The following ACACB variants were observed in gnomAD, a reference collection of about 807,000 sequenced individuals.
ACACB encodes acetyl-CoA carboxylase 2.
In ACACB, 209 loss-of-function variants were observed where a neutral mutation model predicts 278.8. The ratio of observed to expected loss-of-function variants is 0.75; its 90% CI spans 0.67 to 0.84. The LOEUF is 0.84. Ranked by LOEUF, ACACB falls within the 40% of genes least tolerant of loss-of-function variation. The probability of loss-of-function intolerance (pLI) is 0.00; values close to 1 mark genes in which losing one functional copy is unlikely to be tolerated. For missense variants in ACACB, 2,850 were observed against 3,269.0 expected (o/e 0.87, Z 3.13); for synonymous variants, 1,174 against 1,285.6 (o/e 0.91, Z 1.86).
chr12:109,163,848 C>T (rs1198927008), intron 2 of ACACB, among the ~76,000 whole-genome samples: 1 of 152,166 alleles, frequency 6.6e-6, no homozygotes. Context: ...CGGGGTTTCA[C>T]CATGTTGGCC....
intron 1 of ACACB, among the ~76,000 whole-genome samples, chr12:109,119,563 C>G (rs1377070199): frequency 6.7e-6 from 1 of 148,738 alleles, no homozygotes; most frequent in South Asian, 2.1e-4. Context: ...GCACTCCAGC[C>G]TGGGCAACAG....
Position 109,226,489 on chromosome 12 carries a change from C to T in ACACB, c.3883-882C>T, listed in dbSNP as rs528808499. On this transcript the variant is annotated intron_variant, in intron 27 of 52. Transcript: ENST00000338432. ...CCAAGGCGGGCGGATCACCTGAGGT[C>T]GGGAGTTTGAGACCAGACTGACCAA... Among the ~76,000 whole-genome samples, 6 of 152,002 alleles carry T rather than the reference C, an allele frequency of 3.9e-5. No homozygotes were observed. The South Asian group carries it at 8.3e-4, about 21-fold the overall frequency.
In ACACB at chr12:109,265,424, G is replaced by C; in HGVS notation, c.7149G>C (p.Gln2383His). The C allele has an allele frequency of 6.2e-7, 1 of 1,613,758 alleles. No individual in the cohort carries two copies. Among genetic ancestry groups the C allele is most frequent in the Non-Finnish European group, 8.5e-7 (1 of 1,179,912 alleles). Reference protein sequence around the residue: ...YLWDNNQVVVQWLEQHWQAGD... With the variant: ...YLWDNNQVVVHWLEQHWQAGD... ...GGGACAACAACCAGGTGGTTGTGCA[G>C]TGGCTGGAACAGCACTGGCAGGCAG... Residue 2383 changes from glutamine to histidine, a missense_variant, in exon 52 of 53, where the codon CAG becomes CAC. Physicochemically the swap from Gln to His is conservative, Grantham distance 24 (BLOSUM62 0). This residue lies in a region of ACACB where 579 missense variants were observed against 684.6 expected (regional missense o/e 0.85). Coordinates refer to ENST00000338432, the MANE Select transcript of ACACB (RefSeq NM_001093.4).
At chr12:109,214,798 C>T (rs1218418890) in intron 22 of ACACB, among the ~76,000 whole-genome samples, 7 of 152,130 alleles carry the variant, frequency 4.6e-5, no homozygotes, top group Admixed American at 2.6e-4. Flanking sequence ...CAGGTTAAAA[C>T]TTTGTTTTAA....
chr12:109,224,263 TA>T (rs2046256120), intron 27 of ACACB, among the ~76,000 whole-genome samples: 1 of 152,010 alleles, frequency 6.6e-6, no homozygotes, highest in African/African-American at 2.4e-5. Flanking sequence ...GCACCTCATC[TA>T]AACTTTCTGA....
chr12:109,187,581 C>G (rs2044707815), intron 12 of ACACB, among the ~76,000 whole-genome samples: 2 of 151,556 alleles, frequency 1.3e-5, no homozygotes, highest in African/African-American at 4.9e-5. Context: ...TGCCTCAGCC[C>G]CACAAGTAGC....
chr12:109,189,884 G>T (rs2044804287), intron 13 of ACACB, among the ~76,000 whole-genome samples: 1 of 152,170 alleles, frequency 6.6e-6, no homozygotes. Flanking sequence ...GCCAAGGCGG[G>T]CAGATCACTT....
At chr12:109,196,953 G>C in intron 16 of ACACB, 55 bp from the exon 17 acceptor site, 2 of 1,486,264 alleles carry the variant, frequency 1.3e-6, no homozygotes, top group Non-Finnish European at 1.8e-6. Context: ...GGGCCCAGCA[G>C]TGCTCTGGGA....
At chr12:109,209,902 C>T (rs1593570882) in intron 21 of ACACB, among the ~76,000 whole-genome samples, 1 of 94,452 alleles carries the variant, frequency 1.1e-5, no homozygotes, top group South Asian at 3.1e-4. Flanking sequence ...TATATACACA[C>T]ATACACACAC....
chr12:109,256,316 C>T, intron 45 of ACACB, 80 bp downstream of exon 45: 32 of 1,098,000 alleles, frequency 2.9e-5, no homozygotes, highest in Non-Finnish European at 4.2e-5. Context: ...CCAGGGACCT[C>T]CAGGGGCAAT....
At chr12:109,220,677 G>A (rs932233043) in intron 24 of ACACB, among the ~76,000 whole-genome samples, 1 of 151,866 alleles carries the variant, frequency 6.6e-6, no homozygotes, top group Non-Finnish European at 1.5e-5. Context: ...TCAGCCTCCC[G>A]AGTAGCTGGG....
intron 15 of ACACB, among the ~76,000 whole-genome samples, chr12:109,193,324 T>G (rs1473545306): frequency 6.6e-6 from 1 of 151,666 alleles, no homozygotes; most frequent in African/African-American, 2.4e-5. Flanking sequence ...TTCAAGCAAT[T>G]CTTGTGCCTC....
intron 24 of ACACB, among the ~76,000 whole-genome samples, chr12:109,218,517 C>A (rs775060312): frequency 1.9e-4 from 29 of 152,272 alleles, no homozygotes; most frequent in Non-Finnish European, 3.1e-4. Context: ...AGCCACTGCG[C>A]CTGGCCGATA....
chr12:109,179,240 C>A lies in ACACB; in HGVS notation c.1590C>A (p.Ile530=). 6.2e-7 allele frequency: 1 copy of A among 1,614,022 alleles called. No individual in the cohort carries two copies. The highest frequency in any genetic ancestry group is 8.5e-7 in the Non-Finnish European group (1 of 1,180,030). ...DCSIQRRHQK[I]VEEAPATIAP... ...CCATCCAGCGGCGGCATCAGAAGATCGTTGAGGAAGCACCGGCCACCATCG... is the reference window on the plus strand; with the variant it reads ...CCATCCAGCGGCGGCATCAGAAGATAGTTGAGGAAGCACCGGCCACCATCG... The change falls in exon 10 of 53, where the codon ATC becomes ATA. Residue 530 remains isoleucine, a synonymous_variant. Coordinates refer to ENST00000338432, the MANE Select transcript of ACACB (RefSeq NM_001093.4).
rs114850169 is a variant in ACACB at position 109,162,798 on chromosome 12, G to A, written c.654-4063G>A. ...GATACTGACTCAGGGGATCCCCAAC[G>A]CACTCCTACCTCACCCTACATTGAG... On this transcript the variant is annotated intron_variant, in intron 2 of 52. Transcript: ENST00000338432. Among the ~76,000 whole-genome samples the A allele has an allele frequency of 9.0e-3, 1,375 of 152,246 alleles. 32 individuals carry two copies. The highest frequency in any genetic ancestry group is 0.031 in the African/African-American group (1,286 of 41,544).
At chr12:109,135,568 A>G (rs1215936203) in intron 1 of ACACB, among the ~76,000 whole-genome samples, 1 of 151,742 alleles carries the variant, frequency 6.6e-6, no homozygotes, top group Non-Finnish European at 1.5e-5. Flanking sequence ...ATTGGACTTC[A>G]TCAAGAAGCA....
At position 109,256,087 on chromosome 12, in the gene ACACB, G is replaced by A. The variant is rs562383890; in HGVS notation, c.6167-53G>A. The A allele has an allele frequency of 2.0e-6, 3 of 1,525,434 alleles. No individual in the cohort carries two copies. In the South Asian group the frequency reaches 3.4e-5, roughly 17 times the overall value. 94.5% of individuals were successfully genotyped at this position (1,525,434 alleles called of 1,614,324 possible). The stretch of plus-strand genomic sequence containing the variant: ...TTTTGCACAGCCAGGAGTGTCCTGG[G>A]GGCCCCCAGCCACCTGGCCCTCCAG... On this transcript the variant is annotated intron_variant, in intron 44 of 52. Transcript: ENST00000338432.
intron 28 of ACACB, among the ~76,000 whole-genome samples, chr12:109,227,892 G>T (rs528124576): frequency 6.6e-6 from 1 of 151,856 alleles, no homozygotes; most frequent in African/African-American, 2.4e-5. Flanking sequence ...AATTAGCCGG[G>T]CGTGGTGGCA....
rs766944720 is a variant in ACACB, at chr12:109,239,815, C to T, written c.4663-15C>T. Reference sequence around the variant, plus strand: ...ACCCCTGGCCTGAGCAGCTGCCCCTCCCACTCTTTGGCAGGAAGCCTCCTT... The same window carrying T: ...ACCCCTGGCCTGAGCAGCTGCCCCTTCCACTCTTTGGCAGGAAGCCTCCTT... On this transcript the variant is annotated splice_polypyrimidine_tract_variant and intron_variant, in intron 34 of 52. Coordinates refer to ENST00000338432, the MANE Select transcript of ACACB (RefSeq NM_001093.4). 24 of 1,603,388 alleles carry T rather than the reference C, an allele frequency of 1.5e-5. No individual in the cohort carries two copies. The highest frequency in any genetic ancestry group is 1.1e-5 in the South Asian group (1 of 89,050).
Sources: gnomAD v4.1 joint callset for allele counts (sites outside exome capture counted in the v4.1 genomes callset) on GRCh38, gnomAD v4.1.1 for gene constraint, gnomAD v4.1.1 regional missense constraint, MANE v1.5 for transcripts, NCBI Gene and HGNC (gene_info 2026-07-23, HGNC 2026-07-21) for gene names.